The following APBA1 variants were observed in gnomAD, a reference collection of about 807,000 sequenced individuals.
APBA1 encodes the protein amyloid beta precursor protein binding family A member 1.
In APBA1, 55 loss-of-function variants were observed where a neutral mutation model predicts 86.6. The observed-to-expected ratio is 0.64, with a 90% confidence interval of 0.51 to 0.80. APBA1 has a LOEUF of 0.80. Ranked by LOEUF, APBA1 falls within the 30% of genes least tolerant of loss-of-function variation. APBA1 has a pLI of 0.00. For synonymous variants in APBA1, 511 were observed against 493.9 expected (o/e 1.03, Z -0.46); for missense variants, 1,090 against 1,183.0 (o/e 0.92, Z 1.15).
chr9:69,494,023 G>T (rs1372394685), intron 2 of APBA1, among the ~76,000 whole-genome samples: 1 of 151,790 alleles, frequency 6.6e-6, no homozygotes, highest in African/African-American at 2.4e-5. Flanking sequence ...TCTAAGAATC[G>T]AAACTGGTTA....
chr9:69,432,486 G>A (rs747769299), intron 12 of APBA1, 50 bp downstream of exon 12: 2 of 1,436,114 alleles, frequency 1.4e-6, no homozygotes, highest in Non-Finnish European at 9.2e-7. Flanking sequence ...ACGAGGCAGG[G>A]GCACCAGACG....
intron 1 of APBA1, among the ~76,000 whole-genome samples, chr9:69,584,294 A>G (rs1443667053): frequency 6.6e-6 from 1 of 152,184 alleles, no homozygotes; most frequent in Non-Finnish European, 1.5e-5. Context: ...AGAGGGTGGT[A>G]GTGGATGAAA....
intron 1 of APBA1, among the ~76,000 whole-genome samples, chr9:69,667,084 CACTT>C (rs1013460433): frequency 6.6e-6 from 1 of 152,196 alleles, no homozygotes; most frequent in Admixed American, 6.5e-5. Context: ...TTTAAAAAAA[CACTT>C]ACATTTTTCC....
At chr9:69,530,319 T>TACACACAC (rs1439668114) in intron 1 of APBA1, among the ~76,000 whole-genome samples, 1 of 140,638 alleles carries the variant, frequency 7.1e-6, no homozygotes, top group African/African-American at 2.7e-5. Context: ...TATATATATA[T>TACACACAC]ATATATATAT....
chr9:69,672,373 GCCCCACCCCCTTT>G (rs1823970969), upstream of APBA1: 1 of 153,512 alleles, frequency 6.5e-6, no homozygotes. Context: ...CGGTCTCGCG[GCCCCACCCCCTTT>G]CCCCACCCTC....
At chr9:69,483,135 TCAAAAAAA>T (rs60725694) in intron 2 of APBA1, among the ~76,000 whole-genome samples, 3 of 131,572 alleles carry the variant, frequency 2.3e-5, no homozygotes, top group African/African-American at 8.7e-5. Context: ...AAAAATTAAG[TCAAAAAAA>T]CAAAAAAACG....
intron 1 of APBA1, among the ~76,000 whole-genome samples, chr9:69,643,010 C>A (rs919158310): frequency 3.3e-5 from 5 of 151,222 alleles, no homozygotes; most frequent in African/African-American, 1.2e-4. Flanking sequence ...CACACACACC[C>A]CCGCCACAAA....
At position 69,430,147 on chromosome 9, in the gene APBA1, G is replaced by A. The variant is rs1834563342; in HGVS notation, c.*1180C>T. On this transcript the variant is annotated 3_prime_UTR_variant, in exon 13 of 13. Coordinates refer to ENST00000265381, the MANE Select transcript of APBA1 (RefSeq NM_001163.4). ...TTGTCTCCTTAATTTTGTGGTTTAT[G>A]TACTATTCTGGCCTTTCCAATATCA... is the stretch of plus-strand genomic sequence containing the variant. The A allele has an allele frequency of 6.6e-6, 1 of 152,220 alleles. No individual in the cohort carries two copies. The highest frequency in any genetic ancestry group is 1.5e-5 in the Non-Finnish European group (1 of 68,046). The allele number at this position is 152,220 out of a possible 1,614,324, so 9.4% of individuals were successfully genotyped here. A position where few individuals can be genotyped will look rare whatever the true frequency, so the allele number is the denominator to read the frequency against.
chr9:69,592,447 T>C (rs1822148895), intron 1 of APBA1, among the ~76,000 whole-genome samples: 1 of 152,102 alleles, frequency 6.6e-6, no homozygotes, highest in Admixed American at 6.5e-5. Context: ...CATTTAAAAA[T>C]CAGCAGGTTG....
At chr9:69,527,718 A>G (rs1325791701) in intron 1 of APBA1, among the ~76,000 whole-genome samples, 1 of 152,112 alleles carries the variant, frequency 6.6e-6, no homozygotes, top group Non-Finnish European at 1.5e-5. Context: ...GGCTGACTCT[A>G]TACTTACTCT....
intron 2 of APBA1, among the ~76,000 whole-genome samples, chr9:69,498,592 A>AC (rs1835835755): frequency 6.6e-6 from 1 of 152,150 alleles, no homozygotes; most frequent in South Asian, 2.1e-4. Flanking sequence ...TACACTCTGC[A>AC]CCAGCAGAGC....
At chr9:69,587,878 T>G (rs538068361) in intron 1 of APBA1, among the ~76,000 whole-genome samples, 1 of 152,006 alleles carries the variant, frequency 6.6e-6, no homozygotes, top group South Asian at 2.1e-4. Flanking sequence ...TACAAAAAGT[T>G]AGCTGGGCAT....
chr9:69,583,927 G>T (rs1002905896), intron 1 of APBA1, among the ~76,000 whole-genome samples: 1 of 152,214 alleles, frequency 6.6e-6, no homozygotes, highest in South Asian at 2.1e-4. Context: ...ATTCAAGGGC[G>T]TAATCCATGT....
At chr9:69,459,695 G>C (rs111628842) in intron 5 of APBA1, among the ~76,000 whole-genome samples, 3 of 152,336 alleles carry the variant, frequency 2.0e-5, no homozygotes, top group African/African-American at 7.2e-5. Context: ...TCCTGGCTCT[G>C]CCACTTACTA....
chr9:69,597,848 A>AG (rs1822262465), intron 1 of APBA1, among the ~76,000 whole-genome samples: 1 of 152,214 alleles, frequency 6.6e-6, no homozygotes, highest in Non-Finnish European at 1.5e-5. Context: ...ACTGTAAACT[A>AG]GTTCAACCCT....
In APBA1 at chr9:69,554,984, G is replaced by A. The variant is rs184953369; in HGVS notation, c.-69-37705C>T. On this transcript the variant is annotated intron_variant, in intron 1 of 12. Transcript: ENST00000265381. The stretch of plus-strand genomic sequence containing the variant: ...GGAGACAGACTAAGCTAAGAGAGCT[G>A]GAGCACAACTGATGATTCCTACGTC... 1.8e-3 allele frequency among the ~76,000 whole-genome samples: 275 copies of A among 152,250 alleles called. 2 individuals are homozygous for A. Among genetic ancestry groups the A allele is most frequent in the African/African-American group, 6.3e-3 (260 of 41,550 alleles).
chr9:69,538,359 G>C (rs1836547008), intron 1 of APBA1, among the ~76,000 whole-genome samples: 1 of 152,208 alleles, frequency 6.6e-6, no homozygotes, highest in Non-Finnish European at 1.5e-5. Flanking sequence ...TACCCTGGAG[G>C]GGGTGGAAAA....
rs1267300603 is a variant in APBA1, at chr9:69,467,818, C to T, written c.1482+5G>A. 6 of 1,614,034 alleles carry T rather than the reference C, an allele frequency of 3.7e-6. No individual in the cohort carries two copies. The African/African-American group carries it at 5.3e-5, about 14-fold the overall frequency. ...GTCCCTGTTGGAGCACCCAGATGTC[C>T]TCACCTTGATCCTGCTTACGGCTTC... On this transcript the variant is annotated splice_donor_5th_base_variant and intron_variant, in intron 5 of 12. Coordinates refer to ENST00000265381, the MANE Select transcript of APBA1 (RefSeq NM_001163.4).
chr9:69,569,373 G>A (rs1158292802), intron 1 of APBA1, among the ~76,000 whole-genome samples: 2 of 152,080 alleles, frequency 1.3e-5, no homozygotes, highest in Non-Finnish European at 2.9e-5. Flanking sequence ...ACATTCTAGT[G>A]TACAGGAGGG....
Sources: allele counts gnomAD v4.1 joint callset (sites outside exome capture counted in the v4.1 genomes callset), GRCh38; gene constraint gnomAD v4.1.1; transcripts MANE v1.5; gene names NCBI Gene and HGNC (gene_info 2026-07-23, HGNC 2026-07-21).